ZNF407: variants seen among roughly 807,000 people sequenced by gnomAD.
ZNF407 encodes zinc finger protein 407.
A neutral mutation model predicts 131.2 loss-of-function variants in ZNF407; 17 were observed. The ratio of observed to expected loss-of-function variants is 0.13; its 90% confidence interval spans 0.09 to 0.19. The LOEUF is 0.19. ZNF407 is among the 10% of genes least tolerant of loss of function. ZNF407 has a pLI of 1.00. For missense variants in ZNF407, 2,681 were observed against 2,830.6 expected, an observed-to-expected ratio of 0.95 and a Z score of 1.20; for synonymous variants, 1,156 against 1,062.0, an observed-to-expected ratio of 1.09 and a Z score of -1.72.
intron 3 of ZNF407, among the ~76,000 whole-genome samples, chr18:74,679,712 A>T (rs2144773962): frequency 6.6e-6 from 1 of 152,290 alleles, no homozygotes; most frequent in East Asian, 1.9e-4. Flanking sequence ...TCTCCCCATC[A>T]TATATCTTTT....
chr18:74,911,265 C>T (rs1000147159), intron 7 of ZNF407, among the ~76,000 whole-genome samples: 1 of 152,184 alleles, frequency 6.6e-6, no homozygotes, highest in Non-Finnish European at 1.5e-5. Flanking sequence ...AGCCCATTCC[C>T]TCCCTATAGA....
intron 8 of ZNF407, among the ~76,000 whole-genome samples, chr18:75,029,647 A>G (rs527274407): frequency 1.3e-5 from 2 of 152,232 alleles, no homozygotes; most frequent in East Asian, 3.9e-4. Context: ...GTGCGTGTGC[A>G]TGCGCAGGGC....
intron 3 of ZNF407, among the ~76,000 whole-genome samples, chr18:74,685,311 G>A (rs1438565827): frequency 2.0e-5 from 3 of 152,120 alleles, no homozygotes; most frequent in Non-Finnish European, 4.4e-5. Context: ...AAGAGATGTG[G>A]TTATGTGTTC....
At chr18:75,047,628 C>T (rs905110858) in intron 8 of ZNF407, among the ~76,000 whole-genome samples, 7 of 152,170 alleles carry the variant, frequency 4.6e-5, no homozygotes, top group African/African-American at 1.4e-4. Context: ...TAATACTTTT[C>T]AAAGCCTAGC....
At chr18:74,880,776 C>A (rs1380851747) in intron 5 of ZNF407, among the ~76,000 whole-genome samples, 1 of 152,190 alleles carries the variant, frequency 6.6e-6, no homozygotes, top group Admixed American at 6.5e-5. Flanking sequence ...TGGAAGACAT[C>A]TACCAGAAAT....
intron 8 of ZNF407, among the ~76,000 whole-genome samples, chr18:74,991,542 C>T (rs996931625): frequency 6.6e-6 from 1 of 152,194 alleles, no homozygotes; most frequent in Non-Finnish European, 1.5e-5. Flanking sequence ...AGCATTATAG[C>T]ATATACATAT....
At position 75,056,452 on chromosome 18, in the gene ZNF407, A is replaced by G. The variant is rs146077756; in HGVS notation, c.5429-6698A>G. ...TAAAACTAAGAGGTTACTCTGTCCC[A>G]TGTTATACCAGATTCATACTCTTTC... On this transcript the variant is annotated intron_variant, in intron 8 of 8. Transcript: ENST00000299687. Among the ~76,000 whole-genome samples, 373 of 152,324 alleles carry G rather than the reference A, an allele frequency of 2.4e-3. 3 individuals carry two copies. The highest frequency in any genetic ancestry group is 0.014 in the Middle Eastern group (4 of 294).
At chr18:74,700,428 AG>A (rs1213622156) in intron 3 of ZNF407, among the ~76,000 whole-genome samples, 3 of 152,206 alleles carry the variant, frequency 2.0e-5, no homozygotes, top group Non-Finnish European at 4.4e-5. Context: ...CTTTTCGCAA[AG>A]AGTATCAGAG....
At chr18:74,674,060 G>T (rs1187673916) in intron 3 of ZNF407, among the ~76,000 whole-genome samples, 2 of 152,142 alleles carry the variant, frequency 1.3e-5, no homozygotes, top group Non-Finnish European at 2.9e-5. Flanking sequence ...TGCATTTTAC[G>T]ATTATTTTAA....
chr18:74,908,532 G>A (rs927094201), intron 7 of ZNF407, among the ~76,000 whole-genome samples: 2 of 152,126 alleles, frequency 1.3e-5, no homozygotes, highest in African/African-American at 4.8e-5. Context: ...GGTGCATGTG[G>A]TCCAGCACTC....
intron 3 of ZNF407, among the ~76,000 whole-genome samples, chr18:74,766,464 G>A (rs1377049126): frequency 6.6e-6 from 1 of 152,136 alleles, no homozygotes; most frequent in African/African-American, 2.4e-5. Context: ...GATCTATGTG[G>A]CAATGCCTGC....
intron 3 of ZNF407, among the ~76,000 whole-genome samples, chr18:74,734,763 G>A (rs1248024433): frequency 1.3e-5 from 2 of 151,748 alleles, no homozygotes; most frequent in East Asian, 3.9e-4. Context: ...GTTCTAGGTT[G>A]ACATGTACAA....
intron 8 of ZNF407, among the ~76,000 whole-genome samples, chr18:74,937,784 G>T (rs1022868223): frequency 9.2e-5 from 14 of 151,938 alleles, no homozygotes; most frequent in African/African-American, 2.7e-4. Context: ...ACCAGGCAGG[G>T]GATCAATTAG....
At chr18:74,718,460 G>T (rs1188613457) in intron 3 of ZNF407, among the ~76,000 whole-genome samples, 2 of 151,942 alleles carry the variant, frequency 1.3e-5, no homozygotes, top group Admixed American at 6.6e-5. Flanking sequence ...GGAGTTCAAG[G>T]TTGCAGTGAG....
intron 8 of ZNF407, among the ~76,000 whole-genome samples, chr18:75,058,113 T>C (rs974839017): frequency 6.6e-6 from 1 of 152,126 alleles, no homozygotes; most frequent in Non-Finnish European, 1.5e-5. Flanking sequence ...TAGCACAGTT[T>C]TGGGGAGCAA....
chr18:74,691,522 TTC>T lies in ZNF407; in HGVS notation c.4802+50404_4802+50405del, dbSNP rs1336106828. Among the ~76,000 whole-genome samples, 6 of 151,958 alleles carry T rather than the reference TTC, an allele frequency of 3.9e-5. 1 individual carries two copies. The highest frequency in any genetic ancestry group is 3.9e-4 in the Admixed American group (6 of 15,274). On this transcript the variant is annotated intron_variant, in intron 3 of 8. Transcript: ENST00000299687. ...AACTAGCTTTTGGCTTCATTGAGTC[TTC>T]TCTTTTTGTTCATTTTAAATTTTAT...
chr18:74,652,229 T>G (rs138660577), intron 3 of ZNF407, among the ~76,000 whole-genome samples: 146 of 152,258 alleles, frequency 9.6e-4, no homozygotes, highest in Non-Finnish European at 1.9e-3. Context: ...AAGTACCTTT[T>G]TATAGCGTTG....
intron 4 of ZNF407, chr18:74,804,239 G>C (rs1970073344): frequency 8.1e-7 from 1 of 1,230,728 alleles, no homozygotes. Context: ...GTGATTTTCT[G>C]GAAGGAACTG....
At chr18:74,916,160 T>G in intron 7 of ZNF407, among the ~76,000 whole-genome samples, 3 of 49,748 alleles carry the variant, frequency 6.0e-5, no homozygotes, top group Non-Finnish European at 1.0e-4. Context: ...TGTGTGCTGG[T>G]ATGGTGAGGT....
Sources: gnomAD v4.1 joint callset for allele counts (sites outside exome capture counted in the v4.1 genomes callset) on GRCh38, gnomAD v4.1.1 for gene constraint, MANE v1.5 for transcripts, NCBI Gene and HGNC (gene_info 2026-07-23, HGNC 2026-07-21) for gene names.